ADAMTS6: variants seen among roughly 807,000 people sequenced by gnomAD.
The protein encoded by ADAMTS6 is A disintegrin and metalloproteinase with thrombospondin motifs 6.
A neutral mutation model predicts 144.3 loss-of-function variants in ADAMTS6; 23 were observed. That is an observed-to-expected ratio of 0.16 (90% confidence interval 0.11 to 0.23). The LOEUF is 0.23. Ranked by LOEUF, ADAMTS6 falls within the 10% of genes least tolerant of loss-of-function variation. The probability of loss-of-function intolerance (pLI) is 1.00; values close to 1 mark genes in which losing one functional copy is unlikely to be tolerated. For missense variants in ADAMTS6, 999 were observed against 1,379.6 expected, an observed-to-expected ratio of 0.72 and a Z score of 4.37; for synonymous variants, 444 against 457.5, an observed-to-expected ratio of 0.97 and a Z score of 0.38.
Position 65,288,283 on chromosome 5 carries a change from C to CT in ADAMTS6, c.1512+3045dup, listed in dbSNP as rs1210430547. Among the ~76,000 whole-genome samples the CT allele has an allele frequency of 4.1e-5, 6 of 146,828 alleles. No individual in the cohort carries two copies. The East Asian group carries it at 6.0e-4, about 15-fold the overall frequency. Reference sequence around the variant, plus strand: ...CTGCAGTATAGATCCTTCGGTAGTTCTTTTTTTTTCTTTTTTCTTTTTTTC... The same window carrying CT: ...CTGCAGTATAGATCCTTCGGTAGTTCTTTTTTTTTTCTTTTTTCTTTTTTTC... On this transcript the variant is annotated intron_variant, in intron 11 of 24. Transcript: ENST00000381055.
At chr5:65,352,534 A>G (rs1419331150) in intron 7 of ADAMTS6, among the ~76,000 whole-genome samples, 1 of 152,126 alleles carries the variant, frequency 6.6e-6, no homozygotes, top group East Asian at 1.9e-4. Context: ...AAATTTTAAC[A>G]AAGAAAAATC....
intron 7 of ADAMTS6, among the ~76,000 whole-genome samples, chr5:65,371,115 T>C (rs896328711): frequency 9.2e-5 from 14 of 151,790 alleles, no homozygotes; most frequent in East Asian, 1.9e-4. Flanking sequence ...CAAAAACCAA[T>C]CTGTACAACA....
chr5:65,185,540 T>C (rs1329629844), intron 22 of ADAMTS6, among the ~76,000 whole-genome samples: 2 of 152,220 alleles, frequency 1.3e-5, no homozygotes. Context: ...TCCCCACATG[T>C]GTACTCCAGC....
At chr5:65,286,842 C>T (rs1021459709) in intron 11 of ADAMTS6, among the ~76,000 whole-genome samples, 29 of 152,112 alleles carry the variant, frequency 1.9e-4, no homozygotes, top group Admixed American at 8.5e-4. Flanking sequence ...TTCCTTCCTA[C>T]GTTTAAACTT....
intron 24 of ADAMTS6, among the ~76,000 whole-genome samples, chr5:65,160,506 A>G (rs1752698098): frequency 1.3e-5 from 2 of 151,816 alleles, no homozygotes; most frequent in South Asian, 4.2e-4. Context: ...GGGTTTCACC[A>G]TGTTAGGCAG....
In ADAMTS6 at chr5:65,473,552, T is replaced by A. The variant is rs370067023; in HGVS notation, c.97+25A>T. Reference sequence around the variant, plus strand: ...GTCCAATTAATAGCAATATTTTTTGTCAGTTTCAAAAGCAAGAATCCTACC... The same window carrying A: ...GTCCAATTAATAGCAATATTTTTTGACAGTTTCAAAAGCAAGAATCCTACC... On this transcript the variant is annotated intron_variant, in intron 2 of 24. Coordinates refer to ENST00000381055, the MANE Select transcript of ADAMTS6 (RefSeq NM_197941.4). 3.2e-6 allele frequency: 5 copies of A among 1,568,924 alleles called. No individual in the cohort carries two copies. In the African/African-American group the frequency reaches 4.1e-5, roughly 13 times the overall value.
intron 21 of ADAMTS6, among the ~76,000 whole-genome samples, chr5:65,192,247 T>C (rs557096993): frequency 3.9e-5 from 6 of 152,188 alleles, no homozygotes; most frequent in African/African-American, 1.4e-4. Context: ...TCTCTTATTG[T>C]ACTTAACAGA....
At chr5:65,459,205 A>G (rs1759465009) in intron 4 of ADAMTS6, among the ~76,000 whole-genome samples, 1 of 151,994 alleles carries the variant, frequency 6.6e-6, no homozygotes, top group Non-Finnish European at 1.5e-5. Context: ...TCACCTTTAG[A>G]CTAACATCCT....
intron 15 of ADAMTS6, among the ~76,000 whole-genome samples, chr5:65,229,946 TCA>T (rs1758019218): frequency 6.6e-6 from 1 of 151,976 alleles, no homozygotes; most frequent in Non-Finnish European, 1.5e-5. Flanking sequence ...AATGAAGACT[TCA>T]CACACACATT....
At chr5:65,315,006 T>A (rs1252771676) in intron 9 of ADAMTS6, among the ~76,000 whole-genome samples, 1 of 152,156 alleles carries the variant, frequency 6.6e-6, no homozygotes, top group Admixed American at 6.5e-5. Flanking sequence ...ACAACTATTA[T>A]GTATCTATAA....
chr5:65,221,151 A>C (rs1184585291), intron 18 of ADAMTS6, among the ~76,000 whole-genome samples: 3 of 152,184 alleles, frequency 2.0e-5, no homozygotes, highest in African/African-American at 4.8e-5. Flanking sequence ...CATTTCATGA[A>C]GCCAGGCTTA....
At chr5:65,368,136 AGT>A (rs1201021722) in intron 7 of ADAMTS6, among the ~76,000 whole-genome samples, 1 of 152,178 alleles carries the variant, frequency 6.6e-6, no homozygotes, top group Non-Finnish European at 1.5e-5. Flanking sequence ...AATTGGTCCT[AGT>A]GTGTCTGTTT....
chr5:65,481,066 A>G (rs1761163215), intron 1 of ADAMTS6, among the ~76,000 whole-genome samples: 1 of 151,800 alleles, frequency 6.6e-6, no homozygotes, highest in Non-Finnish European at 1.5e-5. Flanking sequence ...TCCACTTCAC[A>G]AAACATGTAT....
chr5:65,341,860 T>G (rs1747866532), intron 7 of ADAMTS6, among the ~76,000 whole-genome samples: 2 of 151,978 alleles, frequency 1.3e-5, no homozygotes, highest in South Asian at 4.2e-4. Flanking sequence ...ACCATAACTC[T>G]GATACTACCA....
At chr5:65,474,796 C>CAAAAAAAAAAAAAAAAAAAAA (rs11330695) in intron 1 of ADAMTS6, among the ~76,000 whole-genome samples, 1 of 78,882 alleles carries the variant, frequency 1.3e-5, no homozygotes, top group Non-Finnish European at 2.6e-5. Flanking sequence ...AAACTGTGAC[C>CAAAAAAAAAAAAAAAAAAAAA]AAAAAAAAAA....
chr5:65,440,860 TA>T (rs1757812105), intron 7 of ADAMTS6, among the ~76,000 whole-genome samples: 3 of 152,016 alleles, frequency 2.0e-5, no homozygotes, highest in African/African-American at 7.2e-5. Context: ...AAACAAATTT[TA>T]AAAGAAAGAA....
chr5:65,353,721 A>G lies in ADAMTS6; in HGVS notation c.1074-19636T>C, dbSNP rs1245374108. On this transcript the variant is annotated intron_variant, in intron 7 of 24. Transcript: ENST00000381055. The stretch of plus-strand genomic sequence containing the variant: ...GTGAACATAACATGTGCAGGGAGGC[A>G]CTGTTCTAGATTTTGTGAGTACAGC... Among the ~76,000 whole-genome samples the G allele has an allele frequency of 2.0e-5, 3 of 151,894 alleles. No homozygotes were observed. In the East Asian group the frequency reaches 5.8e-4, roughly 29 times the overall value.
At chr5:65,212,080 G>A (rs532377883) in intron 20 of ADAMTS6, among the ~76,000 whole-genome samples, 93 of 152,294 alleles carry the variant, frequency 6.1e-4, no homozygotes, top group African/African-American at 2.1e-3. Context: ...TTGTTGAAAC[G>A]CAGATTAATG....
intron 18 of ADAMTS6, among the ~76,000 whole-genome samples, chr5:65,221,610 T>C (rs1429476052): frequency 6.6e-6 from 1 of 152,192 alleles, no homozygotes; most frequent in Non-Finnish European, 1.5e-5. Flanking sequence ...AGTCTCCTCA[T>C]TTATTCAGCA....
Sources: allele counts gnomAD v4.1 joint callset (sites outside exome capture counted in the v4.1 genomes callset), GRCh38; gene constraint gnomAD v4.1.1; transcripts MANE v1.5; gene names NCBI Gene and HGNC (gene_info 2026-07-23, HGNC 2026-07-21).